DLC1: variants seen among roughly 807,000 people sequenced by gnomAD.
The protein encoded by DLC1 is rho GTPase-activating protein 7.
A neutral mutation model predicts 140.3 loss-of-function variants in DLC1; 54 were observed. The observed-to-expected ratio is 0.38, with a 90% confidence interval of 0.31 to 0.48. The LOEUF (loss-of-function observed/expected upper bound fraction) is 0.48, where lower values mean the gene tolerates loss of function less well. Ranked by LOEUF, DLC1 falls within the 20% of genes least tolerant of loss-of-function variation. The probability of loss-of-function intolerance (pLI) is 0.96; values close to 1 mark genes in which losing one functional copy is unlikely to be tolerated. For missense variants in DLC1, 2,536 were observed against 1,907.0 expected (o/e 1.33, Z -6.14); for synonymous variants, 986 against 728.1 (o/e 1.35, Z -5.70).
chr8:13,588,946 G>C (rs1372266407), intron 1 of DLC1, among the ~76,000 whole-genome samples: 18 of 152,092 alleles, frequency 1.2e-4, no homozygotes, highest in Admixed American at 1.2e-3. Flanking sequence ...GCAGTCAAAT[G>C]GGTGACAGAT....
chr8:13,405,690 G>T (rs1487174215), intron 2 of DLC1, among the ~76,000 whole-genome samples: 1 of 151,920 alleles, frequency 6.6e-6, no homozygotes, highest in Non-Finnish European at 1.5e-5. Flanking sequence ...CTGCATCCTG[G>T]TTTTTCTTCC....
chr8:13,592,893 T>C (rs2117477828), intron 1 of DLC1, among the ~76,000 whole-genome samples: 1 of 152,254 alleles, frequency 6.6e-6, no homozygotes, highest in South Asian at 2.1e-4. Context: ...CTATTACTTA[T>C]AATTAATCCC....
intron 5 of DLC1, among the ~76,000 whole-genome samples, chr8:13,175,683 G>C (rs1025278672): frequency 1.3e-5 from 2 of 152,088 alleles, no homozygotes; most frequent in African/African-American, 4.8e-5. Context: ...TTAACTAATA[G>C]ACCGCAGACT....
At chr8:13,322,493 A>ATC (rs1833164297) in intron 4 of DLC1, among the ~76,000 whole-genome samples, 1 of 39,210 alleles carries the variant, frequency 2.6e-5, no homozygotes, top group Non-Finnish European at 7.2e-5. Context: ...CTGACATTAT[A>ATC]ACATAATTCA....
intron 5 of DLC1, among the ~76,000 whole-genome samples, chr8:13,130,038 G>A (rs1040306572): frequency 2.6e-5 from 4 of 152,102 alleles, no homozygotes; most frequent in South Asian, 2.1e-4. Context: ...CAAAAAGTCC[G>A]ATCCATTTCA....
rs1218116906 is a variant in DLC1, at chr8:13,100,344, G to C, written c.1993C>G (p.Arg665Gly). 1.2e-6 allele frequency: 2 copies of C among 1,614,074 alleles called. No homozygotes were observed. Among genetic ancestry groups the C allele is most frequent in the South Asian group, 2.2e-5 (2 of 91,086 alleles). ...GHEKTAKSKT[R>G]SLLKRMESLK... ...CTCTCCATCCGTTTCAGCAGACTGCGCGTCTTGGACTTGGCAGTTTTTTCG... is the reference window on the plus strand; with the variant it reads ...CTCTCCATCCGTTTCAGCAGACTGCCCGTCTTGGACTTGGCAGTTTTTTCG... Residue 665 changes from arginine (R) to glycine (G), a missense_variant, in exon 9 of 18, where the codon CGC becomes GGC. Arg to Gly is a moderately radical substitution (Grantham distance 125, BLOSUM62 -2). Coordinates refer to ENST00000276297, the MANE Select transcript of DLC1 (RefSeq NM_182643.3).
chr8:13,295,938 CTTTGTTTTT>C (rs1831927791), intron 5 of DLC1, among the ~76,000 whole-genome samples: 1 of 53,344 alleles, frequency 1.9e-5, no homozygotes, highest in Non-Finnish European at 3.7e-5. Context: ...AGATAAGATT[CTTTGTTTTT>C]TTTTTTTTTT....
rs1226982168 is a variant in DLC1, at chr8:13,276,257, C to T, written c.1348+29012G>A. On this transcript the variant is annotated intron_variant, in intron 5 of 17. Transcript: ENST00000276297. ...CCCGGTCTCCAATCCCCCTCTGCCTCTCACCTGCCAGCCGTCTGTCTCTAG... is the reference window on the plus strand; with the variant it reads ...CCCGGTCTCCAATCCCCCTCTGCCTTTCACCTGCCAGCCGTCTGTCTCTAG... The T allele has an allele frequency of 2.6e-6, 4 of 1,535,484 alleles. No individual in the cohort carries two copies. In the South Asian group the frequency reaches 4.8e-5, roughly 18 times the overall value.
chr8:13,474,381 C>T (rs972804045), intron 2 of DLC1, among the ~76,000 whole-genome samples: 1 of 152,188 alleles, frequency 6.6e-6, no homozygotes, highest in Admixed American at 6.5e-5. Flanking sequence ...AAGAAGTTTG[C>T]TGCAGGGGTG....
intron 2 of DLC1, among the ~76,000 whole-genome samples, chr8:13,416,871 CAT>C (rs1401141012): frequency 6.6e-6 from 1 of 152,118 alleles, no homozygotes; most frequent in Non-Finnish European, 1.5e-5. Context: ...CCATGAAAAA[CAT>C]AGTGAGAAAA....
chr8:13,203,652 C>T (rs1255149450), intron 5 of DLC1, among the ~76,000 whole-genome samples: 2 of 152,208 alleles, frequency 1.3e-5, no homozygotes, highest in African/African-American at 4.8e-5. Context: ...TGTCCTCCCC[C>T]TCCCTCTGTG....
intron 1 of DLC1, among the ~76,000 whole-genome samples, chr8:13,585,049 A>G (rs546089226): frequency 6.6e-6 from 1 of 152,334 alleles, no homozygotes; most frequent in South Asian, 2.1e-4. Context: ...AACTCTAAAT[A>G]CTAGGAATTT....
intron 5 of DLC1, among the ~76,000 whole-genome samples, chr8:13,265,113 C>T (rs139728183): frequency 2.3e-3 from 349 of 152,276 alleles, no homozygotes; most frequent in African/African-American, 7.6e-3. Flanking sequence ...TTTTCCTAAG[C>T]TCCATTTAAA....
rs1818949297 is a variant in DLC1 at position 13,100,379 on chromosome 8, A to T, written c.1958T>A (p.Met653Lys). 1.2e-6 allele frequency: 2 copies of T among 1,614,042 alleles called. No homozygotes were observed. The highest frequency in any genetic ancestry group is 1.7e-5 in the Admixed American group (1 of 60,010). Residue 653 changes from methionine (M) to lysine (K), a missense_variant, in exon 9 of 18, where the codon ATG becomes AAG. Physicochemically the swap from Met to Lys is moderately conservative, Grantham distance 95. Transcript: ENST00000276297. The part of the protein sequence containing the change: ...PKELSSFSFS[M>K]KGHEKTAKSK... ...CTTGGCAGTTTTTTCGTGGCCTTTC[A>T]TGCTGAAGCTGAAGCTGGACAGTTC...
intron 4 of DLC1, among the ~76,000 whole-genome samples, chr8:13,322,486 A>G (rs1376871171): frequency 2.5e-5 from 1 of 39,746 alleles, no homozygotes; most frequent in East Asian, 2.2e-3. Context: ...TATACATCTG[A>G]CATTATAACA....
chr8:13,099,610 G>C lies in DLC1; in HGVS notation c.2727C>G (p.Ile909Met). Residue 909 changes from isoleucine to methionine, a missense_variant, in exon 9 of 18, where the codon ATC becomes ATG. By Grantham distance (10) the Ile-to-Met change is conservative. Coordinates refer to ENST00000276297, the MANE Select transcript of DLC1 (RefSeq NM_182643.3). ...GCTGCATCCCCTTCACGTGGTAGAG[G>C]ATGTCGTCCAGCTCGGGGAAGATGT... ...NEDIFPELDD[I>M]LYHVKGMQRI... The C allele has an allele frequency of 1.2e-6, 2 of 1,614,208 alleles. No homozygotes were observed. Among genetic ancestry groups the C allele is most frequent in the Non-Finnish European group, 1.7e-6 (2 of 1,180,036 alleles).
chr8:13,561,501 T>C (rs2117382236), intron 1 of DLC1, among the ~76,000 whole-genome samples: 1 of 152,348 alleles, frequency 6.6e-6, no homozygotes, highest in African/African-American at 2.4e-5. Flanking sequence ...TTGCTTAAAC[T>C]TATTTTTTTA....
chr8:13,110,189 A>G (rs1463480392), intron 7 of DLC1, among the ~76,000 whole-genome samples: 1 of 152,178 alleles, frequency 6.6e-6, no homozygotes, highest in African/African-American at 2.4e-5. Flanking sequence ...CAGCTTGAAG[A>G]CCCAAAACCA....
rs1347878735 is a variant in DLC1 at position 13,599,250 on chromosome 8, A to G, written c.-126+5287T>C. On this transcript the variant is annotated intron_variant, in intron 1 of 1. Transcript: ENST00000631382. ...AAATATATTCACAATTATAGAAGGT[A>G]CTAAGGAATTATAAAGATCATTATG... Among the ~76,000 whole-genome samples the G allele has an allele frequency of 4.6e-5, 7 of 152,074 alleles. No homozygotes were observed. In the East Asian group the frequency reaches 1.4e-3, roughly 29 times the overall value.
Sources: allele counts gnomAD v4.1 joint callset (sites outside exome capture counted in the v4.1 genomes callset), GRCh38; gene constraint gnomAD v4.1.1; transcripts MANE v1.5; gene names NCBI Gene and HGNC (gene_info 2026-07-23, HGNC 2026-07-21).